SLX4IP: variants seen among roughly 807,000 people sequenced by gnomAD.
SLX4IP encodes the protein protein SLX4IP.
In SLX4IP, 34 loss-of-function variants were observed where a neutral mutation model predicts 32.9. That is an observed-to-expected ratio of 1.03 (90% CI 0.79 to 1.38). The LOEUF (loss-of-function observed/expected upper bound fraction) is 1.38, where lower values mean the gene tolerates loss of function less well. SLX4IP is among the 40% of genes most tolerant of loss of function. The pLI is 0.00. For missense variants in SLX4IP, 444 were observed against 479.0 expected (o/e 0.93, Z 0.68); for synonymous variants, 172 against 171.7 (o/e 1.00, Z -0.01).
chr20:10,464,619 C>T (rs980543712), intron 2 of SLX4IP, among the ~76,000 whole-genome samples: 5 of 152,112 alleles, frequency 3.3e-5, no homozygotes, highest in Admixed American at 1.3e-4. Flanking sequence ...TTGAAAAGTA[C>T]TTGGTTAGAG....
chr20:10,478,476 T>G (rs1037987447), intron 2 of SLX4IP, among the ~76,000 whole-genome samples: 2 of 152,206 alleles, frequency 1.3e-5, no homozygotes, highest in African/African-American at 4.8e-5. Context: ...GCATATGCTT[T>G]GATGAAGATC....
chr20:10,459,112 T>C (rs914853924), intron 2 of SLX4IP, among the ~76,000 whole-genome samples: 1 of 152,258 alleles, frequency 6.6e-6, no homozygotes, highest in Admixed American at 6.5e-5. Flanking sequence ...TAATGATCAG[T>C]GATGTTGAGC....
intron 4 of SLX4IP, among the ~76,000 whole-genome samples, chr20:10,598,082 C>G (rs1281940062): frequency 6.6e-6 from 1 of 152,164 alleles, no homozygotes; most frequent in East Asian, 1.9e-4. Flanking sequence ...CAAGCTCCGA[C>G]TGAATTATCC....
intron 2 of SLX4IP, among the ~76,000 whole-genome samples, chr20:10,494,891 G>T (rs765873198): frequency 1.1e-4 from 16 of 152,136 alleles, no homozygotes; most frequent in Non-Finnish European, 1.3e-4. Flanking sequence ...CAAAGTTTCA[G>T]TTAGGAGAAA....
chr20:10,536,040 G>A (rs901765099), intron 2 of SLX4IP, among the ~76,000 whole-genome samples: 2 of 152,206 alleles, frequency 1.3e-5, no homozygotes, highest in African/African-American at 2.4e-5. Context: ...AAGGGAGTCC[G>A]AAAAGTCAGG....
intron 6 of SLX4IP, among the ~76,000 whole-genome samples, chr20:10,610,121 G>A (rs2066949301): frequency 6.6e-6 from 1 of 152,120 alleles, no homozygotes; most frequent in South Asian, 2.1e-4. Context: ...AGGTTGGTCA[G>A]GATATATTTT....
chr20:10,449,887 G>A (rs2065228017), intron 1 of SLX4IP, among the ~76,000 whole-genome samples: 1 of 151,682 alleles, frequency 6.6e-6, no homozygotes, highest in Non-Finnish European at 1.5e-5. Context: ...GGACTTTGAT[G>A]ATACTCTTTG....
intron 2 of SLX4IP, among the ~76,000 whole-genome samples, chr20:10,528,954 G>A (rs1327222457): frequency 2.0e-5 from 3 of 152,184 alleles, no homozygotes; most frequent in East Asian, 1.9e-4. Flanking sequence ...CTTTATGCAC[G>A]TGACTTAAAC....
intron 2 of SLX4IP, among the ~76,000 whole-genome samples, chr20:10,472,466 G>T (rs1342650596): frequency 6.6e-6 from 1 of 152,106 alleles, no homozygotes; most frequent in Admixed American, 6.6e-5. Context: ...TCCTGACCTC[G>T]TGATCTGCGT....
At chr20:10,564,315 A>T (rs2066365884) in intron 4 of SLX4IP, among the ~76,000 whole-genome samples, 1 of 152,198 alleles carries the variant, frequency 6.6e-6, no homozygotes, top group South Asian at 2.1e-4. Flanking sequence ...CTAACCAAAA[A>T]GCCATGCCTA....
intron 6 of SLX4IP, chr20:10,613,298 C>T (rs2066989321): frequency 8.4e-6 from 6 of 711,362 alleles, no homozygotes; most frequent in South Asian, 6.9e-5. Flanking sequence ...TCTGCTTGGT[C>T]TAGTCAATCT....
At chr20:10,472,035 G>A (rs2065428593) in intron 2 of SLX4IP, among the ~76,000 whole-genome samples, 1 of 152,174 alleles carries the variant, frequency 6.6e-6, no homozygotes, top group South Asian at 2.1e-4. Context: ...ACAAGGTCAA[G>A]AGGAGAGGAA....
chr20:10,535,739 C>T (rs2066036627), intron 2 of SLX4IP, among the ~76,000 whole-genome samples: 1 of 152,228 alleles, frequency 6.6e-6, no homozygotes, highest in Admixed American at 6.5e-5. Context: ...GTTGCATGCA[C>T]ATTCATGCTC....
chr20:10,464,309 A>T (rs114280499), intron 2 of SLX4IP, among the ~76,000 whole-genome samples: 6,760 of 152,164 alleles, frequency 0.044, 470 homozygotes, highest in African/African-American at 0.15. Context: ...GATGTGCACC[A>T]CTACACCCAG....
chr20:10,470,200 C>T (rs1467554560), intron 2 of SLX4IP, among the ~76,000 whole-genome samples: 3 of 152,208 alleles, frequency 2.0e-5, no homozygotes, highest in Admixed American at 1.3e-4. Flanking sequence ...CATTACTGCT[C>T]ATCCGACTCA....
intron 2 of SLX4IP, among the ~76,000 whole-genome samples, chr20:10,468,352 G>A (rs2065397773): frequency 6.6e-6 from 1 of 152,108 alleles, no homozygotes; most frequent in Admixed American, 6.5e-5. Context: ...CTAGACAAGT[G>A]CCAGGGTAAT....
In SLX4IP at chr20:10,621,346, C is replaced by T. The variant is rs2067109746; in HGVS notation, c.438C>T (p.Tyr146=). Residue 146 remains tyrosine (Y), a synonymous_variant, in exon 7 of 8, where the codon TAC becomes TAT. Coordinates refer to ENST00000334534, the MANE Select transcript of SLX4IP (RefSeq NM_001009608.3). ...TERVLHGVSD[Y]FAECAESSLP... Reference sequence around the variant, plus strand: ...GAGTTCTCCATGGAGTGTCTGATTACTTTGCTGAGTGTGCAGAGAGTTCAC... The same window carrying T: ...GAGTTCTCCATGGAGTGTCTGATTATTTTGCTGAGTGTGCAGAGAGTTCAC... The T allele has an allele frequency of 6.2e-7, 1 of 1,614,032 alleles. No homozygotes were observed. The highest frequency in any genetic ancestry group is 8.5e-7 in the Non-Finnish European group (1 of 1,179,996).
intron 6 of SLX4IP, among the ~76,000 whole-genome samples, chr20:10,611,309 C>G (rs146542909): frequency 2.6e-5 from 4 of 152,186 alleles, no homozygotes; most frequent in African/African-American, 9.7e-5. Flanking sequence ...TTCATTTTCA[C>G]GAGACAGCAA....
chr20:10,458,193 A>G lies in SLX4IP; in HGVS notation c.-12A>G, dbSNP rs2065304113. 6.3e-7 allele frequency: 1 copy of G among 1,579,286 alleles called. No homozygotes were observed. The highest frequency in any genetic ancestry group is 8.6e-7 in the Non-Finnish European group (1 of 1,169,144). On this transcript the variant is annotated 5_prime_UTR_variant, in exon 2 of 8. Transcript: ENST00000334534. ...TCTTAAAGGTCTGTAGTTACTGTGG[A>G]ATCAATAAGCCATGGCATCTAAGAA...
Sources: gnomAD v4.1 joint callset for allele counts (sites outside exome capture counted in the v4.1 genomes callset) on GRCh38, gnomAD v4.1.1 for gene constraint, MANE v1.5 for transcripts, NCBI Gene and HGNC (gene_info 2026-07-23, HGNC 2026-07-21) for gene names.